The following TMPRSS11F variants were observed in gnomAD, a reference collection of about 807,000 sequenced individuals.
TMPRSS11F encodes transmembrane serine protease 11F.
In TMPRSS11F, 47 loss-of-function variants were observed where a neutral mutation model predicts 60.2. The ratio of observed to expected loss-of-function variants is 0.78; its 90% CI spans 0.62 to 1.00. TMPRSS11F has a LOEUF of 1.00. TMPRSS11F is among the 50% of genes least tolerant of loss of function. The pLI is 0.00. For missense variants in TMPRSS11F, 519 were observed against 522.9 expected (o/e 0.99, Z 0.07); for synonymous variants, 166 against 167.3 (o/e 0.99, Z 0.06).
intron 2 of TMPRSS11F, among the ~76,000 whole-genome samples, chr4:68,093,652 G>A (rs1383432443): frequency 1.3e-5 from 2 of 151,916 alleles, no homozygotes; most frequent in African/African-American, 4.8e-5. Context: ...CTACTCGTCT[G>A]ACAAAGGGCT....
chr4:68,119,923 C>T (rs973669659), intron 1 of TMPRSS11F, among the ~76,000 whole-genome samples: 1 of 152,056 alleles, frequency 6.6e-6, no homozygotes, highest in African/African-American at 2.4e-5. Context: ...CTAGATACCA[C>T]TAAGAACATC....
chr4:68,082,589 T>A (rs1723720751), intron 3 of TMPRSS11F, among the ~76,000 whole-genome samples: 2 of 152,222 alleles, frequency 1.3e-5, no homozygotes, highest in African/African-American at 4.8e-5. Context: ...CTGCCCAGTA[T>A]GAGTGCTTTA....
At chr4:68,087,697 TTTTATTTA>T (rs71218930) in intron 3 of TMPRSS11F, among the ~76,000 whole-genome samples, 101,840 of 149,112 alleles carry the variant, frequency 0.68, 36,231 homozygotes, top group East Asian at 0.87. Flanking sequence ...ATTAGTAGCA[TTTTATTTA>T]TTTATTTATT....
chr4:68,122,470 C>T (rs1724641524), intron 1 of TMPRSS11F, among the ~76,000 whole-genome samples: 1 of 152,056 alleles, frequency 6.6e-6, no homozygotes, highest in Admixed American at 6.5e-5. Flanking sequence ...ATTAAGTATA[C>T]CGAGGGATTT....
intron 1 of TMPRSS11F, among the ~76,000 whole-genome samples, chr4:68,103,388 G>C (rs777551196): frequency 6.6e-6 from 1 of 151,414 alleles, no homozygotes; most frequent in Non-Finnish European, 1.5e-5. Context: ...CAAAGGAGCA[G>C]TGAGCTGTGA....
rs556080932 is a variant in TMPRSS11F at position 68,117,922 on chromosome 4, T to A, written c.11+11888A>T. 5.9e-5 allele frequency among the ~76,000 whole-genome samples: 9 copies of A among 152,324 alleles called. No homozygotes were observed. The East Asian group carries it at 1.7e-3, about 29-fold the overall frequency. On this transcript the variant is annotated intron_variant, in intron 1 of 9. Transcript: ENST00000356291. ...ATGTGAGAGATAGTTGGGAAATTGT[T>A]GAGAAATACTTCTTTTCTTCTAAAA... is the stretch of plus-strand genomic sequence containing the variant.
rs900810023 is a variant in TMPRSS11F, at chr4:68,100,834, G to GA, written c.12-1797dup. On this transcript the variant is annotated intron_variant, in intron 1 of 9. Coordinates refer to ENST00000356291, the MANE Select transcript of TMPRSS11F (RefSeq NM_207407.2). The stretch of plus-strand genomic sequence containing the variant: ...GTTAAGGTTAGAATTACATAACCTA[G>GA]AAAAAAAATGAAAAAGTTACTATGT... 1.2e-4 allele frequency among the ~76,000 whole-genome samples: 18 copies of GA among 151,774 alleles called. No individual in the cohort carries two copies. In the East Asian group the frequency reaches 3.3e-3, roughly 28 times the overall value.
intron 3 of TMPRSS11F, among the ~76,000 whole-genome samples, 174 bp from the exon 4 acceptor site, chr4:68,074,183 G>T (rs1007697403): frequency 5.9e-5 from 9 of 152,030 alleles, no homozygotes; most frequent in African/African-American, 2.2e-4. Flanking sequence ...CATGTTAATG[G>T]GTACACTGAC....
chr4:68,062,912 AGTCTCCCATTT>A (rs1723224564), intron 8 of TMPRSS11F: 1 of 803,632 alleles, frequency 1.2e-6, no homozygotes, highest in Non-Finnish European at 2.2e-6. Flanking sequence ...TTCTGCTGAT[AGTCTCCCATTT>A]GTGGCATTAT....
chr4:68,094,571 AAAATAAAT>A (rs34202443), intron 2 of TMPRSS11F, among the ~76,000 whole-genome samples: 13 of 147,680 alleles, frequency 8.8e-5, no homozygotes, highest in South Asian at 4.2e-4. Context: ...AATAAATTTA[AAAATAAAT>A]AAATAAATAA....
At chr4:68,107,860 C>A (rs1724334229) in intron 1 of TMPRSS11F, among the ~76,000 whole-genome samples, 1 of 152,090 alleles carries the variant, frequency 6.6e-6, no homozygotes, top group South Asian at 2.1e-4. Context: ...TCGCTTGAAC[C>A]CAGGAGGCAG....
At position 68,075,773 on chromosome 4, in the gene TMPRSS11F, T is replaced by A. The variant is rs144860460; in HGVS notation, c.283-1764A>T. On this transcript the variant is annotated intron_variant, in intron 3 of 9. Coordinates refer to ENST00000356291, the MANE Select transcript of TMPRSS11F (RefSeq NM_207407.2). ...ACTCTGGGAGGCCAAGGCGGGTGGA[T>A]CATGAGGTCAGGAGATCGAGACCAT... Among the ~76,000 whole-genome samples the A allele has an allele frequency of 5.8e-3, 888 of 152,082 alleles. 9 individuals are homozygous for A. Among genetic ancestry groups the A allele is most frequent in the Non-Finnish European group, 0.01 (680 of 67,994 alleles).
intron 2 of TMPRSS11F, among the ~76,000 whole-genome samples, chr4:68,090,941 G>T (rs887090007): frequency 3.3e-5 from 5 of 152,124 alleles, no homozygotes; most frequent in African/African-American, 1.2e-4. Context: ...GAAAGCAATT[G>T]CTGAAAGTCA....
intron 9 of TMPRSS11F, among the ~76,000 whole-genome samples, chr4:68,055,794 A>C (rs895828565): frequency 3.3e-5 from 5 of 152,194 alleles, no homozygotes; most frequent in African/African-American, 1.2e-4. Flanking sequence ...AGGATGTAAA[A>C]ATCCTTAACA....
intron 1 of TMPRSS11F, among the ~76,000 whole-genome samples, chr4:68,112,012 A>G (rs1724417815): frequency 6.6e-6 from 1 of 152,134 alleles, no homozygotes. Context: ...TCCTATTTCC[A>G]CATTTCTCCG....
chr4:68,114,284 A>C (rs937833715), intron 1 of TMPRSS11F, among the ~76,000 whole-genome samples: 1 of 151,948 alleles, frequency 6.6e-6, no homozygotes, highest in African/African-American at 2.4e-5. Flanking sequence ...AAAACAGTAG[A>C]AAAGTCAATA....
rs138388317 is a variant in TMPRSS11F, at chr4:68,107,267, G to A, written c.12-8229C>T. On this transcript the variant is annotated intron_variant, in intron 1 of 9. Transcript: ENST00000356291. ...TAATTTAGTTACTATGGATATGGCC[G>A]TACTAAGGATATAGACTGCCTTTAT... 3.6e-3 allele frequency among the ~76,000 whole-genome samples: 541 copies of A among 152,222 alleles called. 5 individuals are homozygous for A. The highest frequency in any genetic ancestry group is 0.013 in the African/African-American group (521 of 41,538).
chr4:68,082,633 A>G (rs112144117), intron 3 of TMPRSS11F, among the ~76,000 whole-genome samples: 6,155 of 152,318 alleles, frequency 0.04, 375 homozygotes, highest in African/African-American at 0.13. Flanking sequence ...CCCAAGCAGA[A>G]CCAGTCTCCA....
At chr4:68,063,403 A>T (rs1723245733) in intron 8 of TMPRSS11F, 1 of 375,250 alleles carries the variant, frequency 2.7e-6, no homozygotes, top group Non-Finnish European at 5.1e-6. Flanking sequence ...TTTGAGATGG[A>T]GTCTTGCTCT....
Sources: gnomAD v4.1 joint callset for allele counts (sites outside exome capture counted in the v4.1 genomes callset) on GRCh38, gnomAD v4.1.1 for gene constraint, MANE v1.5 for transcripts, NCBI Gene and HGNC (gene_info 2026-07-23, HGNC 2026-07-21) for gene names.